The following GPM6A variants were observed in gnomAD, a reference collection of about 807,000 sequenced individuals.
GPM6A encodes the protein neuronal membrane glycoprotein M6-a.
A neutral mutation model predicts 32.1 loss-of-function variants in GPM6A; 7 were observed. The observed-to-expected ratio is 0.22, with a 90% CI of 0.12 to 0.41. GPM6A has a LOEUF of 0.41. Among genes scored for constraint, GPM6A ranks in the 10% least tolerant of loss-of-function variants. GPM6A has a pLI of 1.00. For missense variants in GPM6A, 235 were observed against 347.2 expected (o/e 0.68, Z 2.57); for synonymous variants, 130 against 123.4 (o/e 1.05, Z -0.35).
chr4:175,829,571 TAG>T (rs1735542656), intron 1 of GPM6A, among the ~76,000 whole-genome samples: 1 of 150,558 alleles, frequency 6.6e-6, no homozygotes, highest in Non-Finnish European at 1.5e-5. Context: ...TGGGGGTTTT[TAG>T]CAGTTTCCAG....
At chr4:175,637,807 T>A (rs1740886343) in intron 6 of GPM6A, among the ~76,000 whole-genome samples, 1 of 111,666 alleles carries the variant, frequency 9.0e-6, no homozygotes, top group Non-Finnish European at 1.7e-5. Flanking sequence ...AAATATATAA[T>A]CTATTTATAT....
chr4:175,637,276 ATATATTATATAAAATATATATTATATATT>A lies in GPM6A; in HGVS notation c.685-2248_685-2220del, dbSNP rs1560841892. ...TAATATAAAATATATATTATATATT[ATATATTATATAAAATATATATTATATATT>A]ATATATAATATAAAATATATATTAT... On this transcript the variant is annotated intron_variant, in intron 6 of 6. Coordinates refer to ENST00000393658, the MANE Select transcript of GPM6A (RefSeq NM_201591.3). 3.0e-5 allele frequency among the ~76,000 whole-genome samples: 2 copies of A among 66,356 alleles called. 1 individual carries two copies. The highest frequency in any genetic ancestry group is 1.1e-4 in the African/African-American group (2 of 18,326). The allele number at this position is 66,356 out of a possible 152,430, so 43.5% of individuals were successfully genotyped here.
At chr4:175,873,042 A>G (rs1022859254) in intron 1 of GPM6A, among the ~76,000 whole-genome samples, 3 of 152,156 alleles carry the variant, frequency 2.0e-5, no homozygotes, top group African/African-American at 7.2e-5. Flanking sequence ...AAATAAAATA[A>G]TACAATTTTA....
intron 6 of GPM6A, among the ~76,000 whole-genome samples, chr4:175,638,533 A>C (rs1002166165): frequency 1.3e-5 from 2 of 152,108 alleles, no homozygotes; most frequent in African/African-American, 4.8e-5. Context: ...TAATATATAA[A>C]TTTCTATCAT....
chr4:175,649,860 C>A (rs4429679), intron 4 of GPM6A, among the ~76,000 whole-genome samples: 51,659 of 152,044 alleles, frequency 0.34, 9,523 homozygotes, highest in Non-Finnish European at 0.43. Flanking sequence ...GTTCATCTGA[C>A]ACTCAAATTT....
At chr4:175,750,050 C>A (rs979764384) in intron 1 of GPM6A, among the ~76,000 whole-genome samples, 18 of 152,064 alleles carry the variant, frequency 1.2e-4, no homozygotes, top group African/African-American at 3.9e-4. Flanking sequence ...AATCTTTATT[C>A]GAAGTGAACC....
At chr4:175,973,065 G>T (rs896934342) in intron 1 of GPM6A, among the ~76,000 whole-genome samples, 2 of 152,152 alleles carry the variant, frequency 1.3e-5, no homozygotes, top group African/African-American at 4.8e-5. Flanking sequence ...CACCTGAAAA[G>T]AGATGATTTA....
intron 1 of GPM6A, among the ~76,000 whole-genome samples, chr4:175,943,177 CTGTT>C (rs1330502486): frequency 1.3e-5 from 2 of 152,132 alleles, no homozygotes; most frequent in African/African-American, 2.4e-5. Flanking sequence ...ATTTGGCTCT[CTGTT>C]TGTCTGTCAT....
At chr4:175,697,310 C>T (rs73002154) in intron 2 of GPM6A, among the ~76,000 whole-genome samples, 6 of 152,112 alleles carry the variant, frequency 3.9e-5, no homozygotes, top group African/African-American at 1.4e-4. Flanking sequence ...AAATACCTAC[C>T]CTACTTCTTA....
intron 1 of GPM6A, among the ~76,000 whole-genome samples, chr4:175,841,478 T>C (rs1224864012): frequency 2.6e-5 from 4 of 152,138 alleles, no homozygotes; most frequent in Admixed American, 6.5e-5. Context: ...AGTGTTTTTA[T>C]TTGAAGGATA....
intron 1 of GPM6A, among the ~76,000 whole-genome samples, chr4:175,923,910 A>C (rs1402051639): frequency 6.6e-6 from 1 of 152,154 alleles, no homozygotes; most frequent in East Asian, 1.9e-4. Flanking sequence ...AGCCATCTTG[A>C]TATCATAAGA....
At chr4:175,983,897 A>T (rs1338033742) in intron 1 of GPM6A, among the ~76,000 whole-genome samples, 1 of 152,112 alleles carries the variant, frequency 6.6e-6, no homozygotes, top group Non-Finnish European at 1.5e-5. Context: ...CCAGGGAAGC[A>T]TCTGGAGTTT....
intron 1 of GPM6A, among the ~76,000 whole-genome samples, chr4:175,836,923 G>A (rs963548638): frequency 5.9e-5 from 9 of 152,132 alleles, no homozygotes; most frequent in African/African-American, 1.4e-4. Flanking sequence ...CAGGATGTCC[G>A]TGTTCTAATC....
At chr4:175,883,878 T>G (rs1248174717) in intron 1 of GPM6A, among the ~76,000 whole-genome samples, 3 of 152,284 alleles carry the variant, frequency 2.0e-5, no homozygotes, top group South Asian at 2.1e-4. Flanking sequence ...TATTGAAAAT[T>G]TTCTTCTAGT....
chr4:175,995,907 A>G (rs1034855216), intron 1 of GPM6A, among the ~76,000 whole-genome samples: 24 of 146,248 alleles, frequency 1.6e-4, no homozygotes, highest in African/African-American at 5.9e-4. Flanking sequence ...TCGTTCATAC[A>G]GGTCAAGGCT....
At chr4:175,848,931 G>A (rs1182691868) in intron 1 of GPM6A, among the ~76,000 whole-genome samples, 2 of 152,156 alleles carry the variant, frequency 1.3e-5, no homozygotes, top group South Asian at 2.1e-4. Flanking sequence ...AGATTCATAT[G>A]AGGAAAAGTG....
rs938230211 is a variant in GPM6A, at chr4:175,734,797, T to A, written c.38-33030A>T. On this transcript the variant is annotated intron_variant, in intron 1 of 6. Coordinates refer to ENST00000393658, the MANE Select transcript of GPM6A (RefSeq NM_201591.3). Reference sequence around the variant, plus strand: ...CTGAGGCAAGAGAATCGCTTGAACCTGGGAAGTGAAGGTTGCAGTGAGCCG... The same window carrying A: ...CTGAGGCAAGAGAATCGCTTGAACCAGGGAAGTGAAGGTTGCAGTGAGCCG... Among the ~76,000 whole-genome samples the A allele has an allele frequency of 1.2e-4, 18 of 152,114 alleles. No homozygotes were observed. The East Asian group carries it at 3.5e-3, about 29-fold the overall frequency.
chr4:175,926,306 A>G (rs1370890158), intron 1 of GPM6A, among the ~76,000 whole-genome samples: 1 of 152,232 alleles, frequency 6.6e-6, no homozygotes, highest in Admixed American at 6.5e-5. Context: ...GGTCAATTGC[A>G]ATTACTAGGA....
At position 175,640,765 on chromosome 4, in the gene GPM6A, G is replaced by T; in HGVS notation, c.606C>A (p.Cys202Ter). 6.2e-7 allele frequency: 1 copy of T among 1,604,560 alleles called. No homozygotes were observed. ...CTVSENFLRM[C>*]ESTELNMTFH... is the part of the protein sequence containing the mutation. ...TAAAAACACTCACCTCAGTAGATTC[G>T]CACATCCTCAAGAAATTCTCAGAGA... The change falls in exon 5 of 7, where the codon TGC (cysteine) becomes TGA (stop). Residue 202 changes from cysteine (C) to a stop codon, truncating the protein, a stop_gained. Coordinates refer to ENST00000393658, the MANE Select transcript of GPM6A (RefSeq NM_201591.3). LOFTEE classifies it high-confidence loss of function.
Sources: gnomAD v4.1 joint callset for allele counts (sites outside exome capture counted in the v4.1 genomes callset) on GRCh38, gnomAD v4.1.1 for gene constraint, MANE v1.5 for transcripts, NCBI Gene and HGNC (gene_info 2026-07-23, HGNC 2026-07-21) for gene names.